DENND1B: variants seen among roughly 807,000 people sequenced by gnomAD.
The protein encoded by DENND1B is DENN domain containing 1B.
Under a neutral mutation model 90.1 loss-of-function variants are expected in DENND1B, and 59 were observed. The ratio of observed to expected loss-of-function variants is 0.65; its 90% CI spans 0.53 to 0.81. DENND1B has a LOEUF of 0.81. DENND1B is among the 40% of genes least tolerant of loss of function. The pLI is 0.00. For synonymous variants in DENND1B, 337 were observed against 324.6 expected (o/e 1.04, Z -0.41); for missense variants, 862 against 912.6 (o/e 0.94, Z 0.71).
At chr1:197,729,942 T>C (rs1420015110) in intron 2 of DENND1B, among the ~76,000 whole-genome samples, 1 of 152,002 alleles carries the variant, frequency 6.6e-6, no homozygotes, top group African/African-American at 2.4e-5. Flanking sequence ...CATATACTTG[T>C]GAGAAATGGG....
chr1:197,725,373 A>C (rs2102291617), intron 2 of DENND1B, among the ~76,000 whole-genome samples: 1 of 152,310 alleles, frequency 6.6e-6, no homozygotes. Flanking sequence ...ATTTTCAGAA[A>C]GACAAAACTG....
At chr1:197,693,362 G>A (rs1658103714) in intron 3 of DENND1B, among the ~76,000 whole-genome samples, 1 of 151,604 alleles carries the variant, frequency 6.6e-6, no homozygotes, top group Non-Finnish European at 1.5e-5. Context: ...CACCATCACA[G>A]TTAGTTAAAA....
intron 2 of DENND1B, among the ~76,000 whole-genome samples, chr1:197,727,604 C>T (rs964238869): frequency 2.6e-5 from 4 of 151,758 alleles, no homozygotes; most frequent in African/African-American, 7.2e-5. Flanking sequence ...ATTAAAAATG[C>T]TATGTATTTC....
rs372315364 is a variant in DENND1B, at chr1:197,611,989, T to A, written c.774-13A>T. The A allele has an allele frequency of 5.7e-5, 90 of 1,590,012 alleles. No homozygotes were observed. Among genetic ancestry groups the A allele is most frequent in the Non-Finnish European group, 6.9e-5 (80 of 1,161,296 alleles). On this transcript the variant is annotated splice_polypyrimidine_tract_variant and intron_variant, in intron 11 of 22. Coordinates refer to ENST00000620048, the MANE Select transcript of DENND1B (RefSeq NM_001195215.2). Reference sequence around the variant, plus strand: ...TGGCATTGGGGCACTAAATTAAAAATATATATATGCATAGATTCATATAGT... The same window carrying A: ...TGGCATTGGGGCACTAAATTAAAAAAATATATATGCATAGATTCATATAGT...
intron 4 of DENND1B, among the ~76,000 whole-genome samples, chr1:197,672,508 C>CGACT (rs1372849164): frequency 6.6e-6 from 1 of 151,922 alleles, no homozygotes; most frequent in Non-Finnish European, 1.5e-5. Flanking sequence ...ATGACTAAGT[C>CGACT]CTTTTCTTCA....
chr1:197,540,263 G>A (rs1273320833), intron 19 of DENND1B, among the ~76,000 whole-genome samples, 192 bp from the exon 20 acceptor site: 1 of 151,314 alleles, frequency 6.6e-6, no homozygotes, highest in Non-Finnish European at 1.5e-5. Context: ...ATTAAATAAG[G>A]TTAATGATCT....
chr1:197,689,321 C>A (rs1160721328), intron 3 of DENND1B: 1 of 152,076 alleles, frequency 6.6e-6, no homozygotes, highest in African/African-American at 2.4e-5. Flanking sequence ...GACTTACTCA[C>A]TACCATGAAC....
intron 15 of DENND1B, among the ~76,000 whole-genome samples, chr1:197,580,863 G>C (rs1197284862): frequency 2.0e-5 from 3 of 152,094 alleles, no homozygotes. Flanking sequence ...TTTGTCTCCT[G>C]TACTGTCTCA....
At position 197,527,580 on chromosome 1, in the gene DENND1B, C is replaced by A. The variant is rs367875294; in HGVS notation, c.1515+12384G>T. On this transcript the variant is annotated intron_variant, in intron 20 of 22. Transcript: ENST00000620048. ...TACAGGCATGAGCGACTGTGCCTGG[C>A]CTATCGCTTGAAGTTTTACAATATT... Among the ~76,000 whole-genome samples, 118 of 152,160 alleles carry A rather than the reference C, an allele frequency of 7.8e-4. 4 individuals carry two copies. The South Asian group carries it at 0.024, about 31-fold the overall frequency.
chr1:197,735,530 G>T, intron 2 of DENND1B: 2 of 1,611,674 alleles, frequency 1.2e-6, no homozygotes, highest in South Asian at 2.2e-5. Flanking sequence ...TGTGAACTAT[G>T]AAACATTCCA....
At chr1:197,538,189 T>C (rs1571787831) in intron 20 of DENND1B, among the ~76,000 whole-genome samples, 1 of 152,148 alleles carries the variant, frequency 6.6e-6, no homozygotes, top group Non-Finnish European at 1.5e-5. Context: ...TCACAGAAAA[T>C]CTACTCGCCA....
chr1:197,638,313 AGG>A (rs1679967949), intron 10 of DENND1B, among the ~76,000 whole-genome samples: 1 of 152,220 alleles, frequency 6.6e-6, no homozygotes, highest in African/African-American at 2.4e-5. Flanking sequence ...AGACTTTCTG[AGG>A]GTGAATTTAC....
chr1:197,677,901 T>C (rs1656259021), intron 3 of DENND1B, among the ~76,000 whole-genome samples: 1 of 152,214 alleles, frequency 6.6e-6, no homozygotes, highest in Admixed American at 6.6e-5. Flanking sequence ...GGCTTTTTCC[T>C]CAGCTATCTC....
intron 3 of DENND1B, among the ~76,000 whole-genome samples, chr1:197,698,608 A>C: frequency 6.6e-6 from 1 of 151,854 alleles, no homozygotes; most frequent in East Asian, 1.9e-4. Context: ...CTCACCAAAA[A>C]AAAAAAATCA....
chr1:197,738,828 A>G (rs1662954082), intron 2 of DENND1B, among the ~76,000 whole-genome samples: 1 of 152,224 alleles, frequency 6.6e-6, no homozygotes, highest in African/African-American at 2.4e-5. Context: ...TCCCTGACAG[A>G]GATAAAACAA....
intron 20 of DENND1B, among the ~76,000 whole-genome samples, chr1:197,514,224 A>G (rs909727990): frequency 6.6e-5 from 10 of 151,800 alleles, no homozygotes; most frequent in Non-Finnish European, 1.2e-4. Context: ...TCTATAAAGA[A>G]GAGCTTTACC....
intron 5 of DENND1B, among the ~76,000 whole-genome samples, chr1:197,660,843 G>T (rs1468586866): frequency 6.6e-6 from 1 of 151,984 alleles, no homozygotes; most frequent in Non-Finnish European, 1.5e-5. Flanking sequence ...CACCTCCTAA[G>T]ACATCCTAAA....
At chr1:197,699,259 TGC>T (rs1658772753) in intron 3 of DENND1B, among the ~76,000 whole-genome samples, 2 of 152,200 alleles carry the variant, frequency 1.3e-5, no homozygotes, top group Admixed American at 1.3e-4. Context: ...GTTCAACATA[TGC>T]AAATCAATAA....
intron 12 of DENND1B, 66 bp from the exon 13 acceptor site, chr1:197,607,240 G>T: frequency 9.0e-7 from 1 of 1,110,908 alleles, no homozygotes; most frequent in Non-Finnish European, 1.2e-6. Context: ...TGATGAGTTT[G>T]GAAACAGAAA....
Sources: allele counts gnomAD v4.1 joint callset (sites outside exome capture counted in the v4.1 genomes callset), GRCh38; gene constraint gnomAD v4.1.1; transcripts MANE v1.5; gene names NCBI Gene and HGNC (gene_info 2026-07-23, HGNC 2026-07-21).